VASH1: variants seen among roughly 807,000 people sequenced by gnomAD.
The protein encoded by VASH1 is vasohibin 1.
A neutral mutation model predicts 35.0 loss-of-function variants in VASH1; 16 were observed. The observed-to-expected ratio is 0.46, with a 90% confidence interval of 0.31 to 0.70. The LOEUF (loss-of-function observed/expected upper bound fraction) is 0.70. VASH1 is among the 30% of genes least tolerant of loss of function. The pLI, the probability that VASH1 is intolerant of heterozygous loss-of-function variation, is 0.05. For missense variants in VASH1, 505 were observed against 510.7 expected, an observed-to-expected ratio of 0.99 and a Z score of 0.11; for synonymous variants, 214 against 200.9, an observed-to-expected ratio of 1.07 and a Z score of -0.55.
intron 2 of VASH1, 73 bp from the exon 3 acceptor site, chr14:76,771,117 C>T: frequency 7.2e-7 from 1 of 1,392,022 alleles, no homozygotes; most frequent in Non-Finnish European, 9.6e-7. Context: ...GGCTCTTGAG[C>T]TTCAGGATAG....
intron 4 of VASH1, chr14:76,773,495 A>C: frequency 2.0e-6 from 1 of 492,556 alleles, no homozygotes; most frequent in Non-Finnish European, 3.6e-6. Context: ...CTGAACCCCA[A>C]ATCAGGGCAC....
chr14:76,765,975 A>G (rs1348854868), intron 1 of VASH1, among the ~76,000 whole-genome samples: 2 of 152,128 alleles, frequency 1.3e-5, no homozygotes, highest in African/African-American at 4.8e-5. Flanking sequence ...TCCCATAACT[A>G]CTTATATGAG....
Position 76,770,168 on chromosome 14 carries a change from C to A in VASH1, c.398+117C>A, listed in dbSNP as rs941433589. On this transcript the variant is annotated intron_variant, in intron 2 of 6. Coordinates refer to ENST00000167106, the MANE Select transcript of VASH1 (RefSeq NM_014909.5). The stretch of plus-strand genomic sequence containing the variant: ...CCTCATTCCACAACGCCAGGGCCAC[C>A]ATTCACGTGACATCTCTGTGCTCCC... The A allele has an allele frequency of 5.4e-6, 5 of 931,710 alleles. No individual in the cohort carries two copies. In the African/African-American group the frequency reaches 6.6e-5, roughly 12 times the overall value. 57.7% of individuals were successfully genotyped at this position (931,710 alleles called of 1,614,324 possible).
At chr14:76,774,329 A>G (rs1267332958) in intron 4 of VASH1, 4 of 152,152 alleles carry the variant, frequency 2.6e-5, no homozygotes, top group Non-Finnish European at 1.5e-5. Context: ...TGCCCTGTTT[A>G]TGGGGTTCTT....
chr14:76,762,863 T>G lies in VASH1; in HGVS notation c.42T>G (p.Gly14=), dbSNP rs1595264999. 1 of 1,533,158 alleles carries G rather than the reference T, an allele frequency of 6.5e-7. No individual in the cohort carries two copies. Among genetic ancestry groups the G allele is most frequent in the Non-Finnish European group, 8.8e-7 (1 of 1,139,498 alleles). 95.0% of individuals were successfully genotyped at this position (1,533,158 alleles called of 1,614,324 possible). Residue 14 remains glycine, a synonymous_variant, in exon 1 of 7, where the codon GGT becomes GGG. Transcript: ENST00000167106. ...AGGTGGCTGGGGGTGGCAGCAGCGGTGCCACTCCAACGTCCGCTGCGGCCA... is the reference window on the plus strand; with the variant it reads ...AGGTGGCTGGGGGTGGCAGCAGCGGGGCCACTCCAACGTCCGCTGCGGCCA... ...GKKVAGGGSS[G]ATPTSAAATA... is the part of the protein sequence containing the mutation.
chr14:76,775,851 C>T, intron 4 of VASH1, 41 bp from the exon 5 acceptor site: 1 of 1,508,536 alleles, frequency 6.6e-7, no homozygotes, highest in Non-Finnish European at 8.9e-7. Flanking sequence ...GTGCTGGCCC[C>T]GTGCTTCTCC....
At chr14:76,775,186 A>T (rs1893900829) in intron 4 of VASH1, among the ~76,000 whole-genome samples, 1 of 152,234 alleles carries the variant, frequency 6.6e-6, no homozygotes, top group Non-Finnish European at 1.5e-5. Flanking sequence ...AAAAAGAAGC[A>T]GTAAACACTG....
intron 4 of VASH1, chr14:76,774,865 G>A (rs1246107797): frequency 1.3e-5 from 2 of 152,344 alleles, no homozygotes; most frequent in African/African-American, 4.8e-5. Flanking sequence ...GACTCACTGT[G>A]TGACCCCCAA....
At chr14:76,775,848 C>A in intron 4 of VASH1, 44 bp from the exon 5 acceptor site, 1 of 1,505,972 alleles carries the variant, frequency 6.6e-7, no homozygotes, top group South Asian at 1.3e-5. Context: ...GGTGTGCTGG[C>A]CCCGTGCTTC....
Position 76,778,979 on chromosome 14 carries a change from A to C in VASH1, c.1059A>C (p.Lys353Asn), listed in dbSNP as rs1189252514. Residue 353 changes from lysine (K) to asparagine (N), a missense_variant, in exon 7 of 7, where the codon AAA (lysine) becomes AAC (asparagine). Transcript: ENST00000167106. ...PSGDKKTSEPKAMPDLNGYQI... is the reference protein window; with the variant it reads ...PSGDKKTSEPNAMPDLNGYQI... Reference sequence around the variant, plus strand: ...GTGACAAGAAGACTTCCGAGCCCAAAGCCATGCCAGACCTTAACGGGTACC... The same window carrying C: ...GTGACAAGAAGACTTCCGAGCCCAACGCCATGCCAGACCTTAACGGGTACC... 10 of 1,614,034 alleles carry C rather than the reference A, an allele frequency of 6.2e-6. No individual in the cohort carries two copies. The highest frequency in any genetic ancestry group is 1.7e-5 in the Admixed American group (1 of 60,006).
At chr14:76,764,543 A>G (rs766966740) in intron 1 of VASH1, among the ~76,000 whole-genome samples, 7 of 152,194 alleles carry the variant, frequency 4.6e-5, no homozygotes, top group Non-Finnish European at 7.3e-5. Context: ...GCTTATCTAT[A>G]TGGCCTCTTC....
intron 1 of VASH1, chr14:76,769,289 G>C: frequency 1.6e-6 from 2 of 1,288,188 alleles, no homozygotes; most frequent in Non-Finnish European, 2.0e-6. Flanking sequence ...TACTGACTAG[G>C]TGTGGAGCTG....
intron 6 of VASH1, among the ~76,000 whole-genome samples, chr14:76,778,276 CAA>C (rs1322062298): frequency 6.6e-6 from 1 of 152,070 alleles, no homozygotes; most frequent in Non-Finnish European, 1.5e-5. Context: ...CCAGAGAAAC[CAA>C]ACTCTGCTAG....
At chr14:76,770,908 G>A (rs1035254951) in intron 2 of VASH1, among the ~76,000 whole-genome samples, 2 of 152,240 alleles carry the variant, frequency 1.3e-5, no homozygotes, top group African/African-American at 4.8e-5. Context: ...ATGAAGTGCT[G>A]TAGGGCGCTG....
At chr14:76,769,560 C>T (rs1566683419) in intron 1 of VASH1, 1 of 1,143,364 alleles carries the variant, frequency 8.7e-7, no homozygotes, top group Non-Finnish European at 1.2e-6. Flanking sequence ...CCCGGATATA[C>T]CAGCTTTGAT....
At chr14:76,764,027 T>C (rs1424560292) in intron 1 of VASH1, among the ~76,000 whole-genome samples, 2 of 149,356 alleles carry the variant, frequency 1.3e-5, no homozygotes, top group African/African-American at 2.5e-5. Context: ...AAAAACATGA[T>C]CAAGACTAGG....
Position 76,779,303 on chromosome 14 carries a change from G to A in VASH1, c.*285G>A, listed in dbSNP as rs1304601902. 3 of 702,368 alleles carry A rather than the reference G, an allele frequency of 4.3e-6. No homozygotes were observed. The highest frequency in any genetic ancestry group is 1.5e-5 in the South Asian group (1 of 67,498). 43.5% of individuals were successfully genotyped at this position (702,368 alleles called of 1,614,324 possible). On this transcript the variant is annotated 3_prime_UTR_variant, in exon 7 of 7. Coordinates refer to ENST00000167106, the MANE Select transcript of VASH1 (RefSeq NM_014909.5). ...TAGTCCAAATGGATCTGCTGATGGTGGGAAGGCCAGTGCTTAACAAATCCA... is the reference window on the plus strand; with the variant it reads ...TAGTCCAAATGGATCTGCTGATGGTAGGAAGGCCAGTGCTTAACAAATCCA...
chr14:76,764,804 G>A (rs554941415), intron 1 of VASH1, among the ~76,000 whole-genome samples: 58 of 151,544 alleles, frequency 3.8e-4, no homozygotes, highest in African/African-American at 1.2e-3. Flanking sequence ...TCCTGCCTCA[G>A]CCTCCTGAGT....
At chr14:76,765,089 C>T (rs1232642669) in intron 1 of VASH1, among the ~76,000 whole-genome samples, 2 of 152,140 alleles carry the variant, frequency 1.3e-5, no homozygotes, top group African/African-American at 4.8e-5. Flanking sequence ...CACCCTGCTC[C>T]CACGTGAACA....
Sources: gnomAD v4.1 joint callset for allele counts (sites outside exome capture counted in the v4.1 genomes callset) on GRCh38, gnomAD v4.1.1 for gene constraint, MANE v1.5 for transcripts, NCBI Gene and HGNC (gene_info 2026-07-23, HGNC 2026-07-21) for gene names.